The following CAMTA1 variants were observed in gnomAD, a reference collection of about 807,000 sequenced individuals.
The protein encoded by CAMTA1 is calmodulin binding transcription activator 1.
A neutral mutation model predicts 170.9 loss-of-function variants in CAMTA1; 27 were observed. The ratio of observed to expected loss-of-function variants is 0.16; its 90% CI spans 0.12 to 0.22. CAMTA1 has a LOEUF of 0.22. CAMTA1 is among the 10% of genes least tolerant of loss of function. The pLI, the probability that CAMTA1 is intolerant of heterozygous loss-of-function variation, is 1.00. For synonymous variants in CAMTA1, 833 were observed against 891.5 expected, an observed-to-expected ratio of 0.93 and a Z score of 1.17; for missense variants, 1,619 against 2,217.2, an observed-to-expected ratio of 0.73 and a Z score of 5.42.
rs957293093 is a variant in CAMTA1 at position 7,561,300 on chromosome 1, G to A, written c.511-79100G>A. Reference sequence around the variant, plus strand: ...TGCTCAGCTACCAAGGCTGAGGTTGGTGCTCCTGGAGGAGCCTCCAGGAGC... The same window carrying A: ...TGCTCAGCTACCAAGGCTGAGGTTGATGCTCCTGGAGGAGCCTCCAGGAGC... On this transcript the variant is annotated intron_variant, in intron 6 of 22. Coordinates refer to ENST00000303635, the MANE Select transcript of CAMTA1 (RefSeq NM_015215.4). The surrounding 1 kb of genome is among the most constrained non-coding windows in gnomAD (Gnocchi z 5.3). Among the ~76,000 whole-genome samples the A allele has an allele frequency of 6.6e-6, 1 of 151,632 alleles. No individual in the cohort carries two copies. The highest frequency in any genetic ancestry group is 1.5e-5 in the Non-Finnish European group (1 of 67,858).
At chr1:6,794,880 C>CTTTTTTT (rs1305335139) in intron 1 of CAMTA1, among the ~76,000 whole-genome samples, 13 of 141,888 alleles carry the variant, frequency 9.2e-5, no homozygotes, top group East Asian at 2.1e-4. Context: ...TAGATAAAGG[C>CTTTTTTT]TTTTTTTTTG....
chr1:7,686,784 G>C (rs947718854), intron 11 of CAMTA1, among the ~76,000 whole-genome samples: 15 of 152,144 alleles, frequency 9.9e-5, no homozygotes, highest in African/African-American at 3.6e-4. Context: ...TGACTCCTGA[G>C]GGACAGGGTG....
intron 4 of CAMTA1, among the ~76,000 whole-genome samples, chr1:7,136,065 A>G (rs11120861): frequency 0.36 from 54,979 of 151,920 alleles, 10,875 homozygotes; most frequent in African/African-American, 0.51. Flanking sequence ...AACTGGTCTT[A>G]TTTTAAATGT....
At chr1:7,608,804 G>C (rs2095503892) in intron 6 of CAMTA1, among the ~76,000 whole-genome samples, 1 of 152,168 alleles carries the variant, frequency 6.6e-6, no homozygotes, top group Middle Eastern at 3.2e-3. Flanking sequence ...GACAGAGCCA[G>C]AAGCGTGGGA....
intron 6 of CAMTA1, among the ~76,000 whole-genome samples, chr1:7,508,940 C>T (rs1473363499): frequency 1.3e-5 from 2 of 152,104 alleles, no homozygotes; most frequent in African/African-American, 2.4e-5. Flanking sequence ...CCTTCCCATA[C>T]AGGGCTGGAA....
intron 9 of CAMTA1, among the ~76,000 whole-genome samples, chr1:7,670,414 C>G (rs2096048901): frequency 1.3e-5 from 2 of 152,198 alleles, no homozygotes; most frequent in South Asian, 2.1e-4. Flanking sequence ...GATCCTGGGT[C>G]TCTCCTCAAC....
intron 4 of CAMTA1, among the ~76,000 whole-genome samples, chr1:7,188,866 A>AT (rs909157494): frequency 6.6e-6 from 1 of 152,156 alleles, no homozygotes; most frequent in African/African-American, 2.4e-5. Context: ...TCTGTGCTTA[A>AT]TTTTTTGTGG....
chr1:7,511,015 C>T (rs1364659793), intron 6 of CAMTA1, among the ~76,000 whole-genome samples: 1 of 144,992 alleles, frequency 6.9e-6, no homozygotes, highest in Admixed American at 6.9e-5. Context: ...TCTTTAAACT[C>T]TCCGTGTGTG....
chr1:7,314,468 C>T (rs2149641898), intron 5 of CAMTA1, among the ~76,000 whole-genome samples: 1 of 152,236 alleles, frequency 6.6e-6, no homozygotes, highest in East Asian at 1.9e-4. Context: ...CATGTAGATT[C>T]ATGCCCTGTG....
intron 3 of CAMTA1, among the ~76,000 whole-genome samples, chr1:6,895,662 T>G (rs1359956349): frequency 1.3e-5 from 2 of 152,216 alleles, no homozygotes; most frequent in African/African-American, 4.8e-5. Context: ...CCATCAAACA[T>G]GATTCTTTTT....
chr1:7,259,261 A>G (rs1667839955), intron 5 of CAMTA1, among the ~76,000 whole-genome samples: 1 of 152,218 alleles, frequency 6.6e-6, no homozygotes, highest in Non-Finnish European at 1.5e-5. Context: ...TCTCCTGGAC[A>G]GATGAAATAA....
At chr1:7,392,522 T>G (rs983020708) in intron 5 of CAMTA1, among the ~76,000 whole-genome samples, 3 of 148,524 alleles carry the variant, frequency 2.0e-5, no homozygotes, top group Non-Finnish European at 4.5e-5. Flanking sequence ...CCCAAAGTGC[T>G]GGGATTACAG....
rs180937200 is a variant in CAMTA1 at position 7,209,383 on chromosome 1, T to C, written c.303-40108T>C. ...CTCAAATGCAAATTGTATTTGGTAT[T>C]AGAGATAACTGTTGATCTATTAACA... On this transcript the variant is annotated intron_variant, in intron 4 of 22. Transcript: ENST00000303635. Among the ~76,000 whole-genome samples, 128 of 152,332 alleles carry C rather than the reference T, an allele frequency of 8.4e-4. 3 individuals are homozygous for C. The South Asian group carries it at 0.015, about 18-fold the overall frequency.
intron 15 of CAMTA1, 121 bp from the exon 16 acceptor site, chr1:7,737,838 G>T: frequency 1.0e-6 from 1 of 981,818 alleles, no homozygotes. Context: ...TTAAATGTTA[G>T]GGACGTGTCT....
chr1:7,689,923 C>A (rs1404903265), intron 11 of CAMTA1, among the ~76,000 whole-genome samples: 1 of 152,118 alleles, frequency 6.6e-6, no homozygotes, highest in Non-Finnish European at 1.5e-5. Context: ...TTTGGGAGGC[C>A]GAGTTGGGCG....
At chr1:7,563,346 C>T (rs535111314) in intron 6 of CAMTA1, among the ~76,000 whole-genome samples, 7 of 152,284 alleles carry the variant, frequency 4.6e-5, no homozygotes, top group South Asian at 2.1e-4. Flanking sequence ...TGGAACCAGC[C>T]GCACCTCAAG....
In CAMTA1 at chr1:7,635,540, C is replaced by T. The variant is rs984814731; in HGVS notation, c.511-4860C>T. ...AGGAGAATGGCGTGAACCCGGGAGG[C>T]GGAGGTTGCAGTGAGCCGAGATCGC... On this transcript the variant is annotated intron_variant, in intron 6 of 22. Coordinates refer to ENST00000303635, the MANE Select transcript of CAMTA1 (RefSeq NM_015215.4). This position sits in a 1 kb window ranked among gnomAD's most constrained non-coding sequence, Gnocchi z 4.4. Among the ~76,000 whole-genome samples, 5 of 148,156 alleles carry T rather than the reference C, an allele frequency of 3.4e-5. No homozygotes were observed. The highest frequency in any genetic ancestry group is 4.0e-4 in the East Asian group (2 of 4,942).
At chr1:6,797,044 A>G (rs1557565280) in intron 1 of CAMTA1, among the ~76,000 whole-genome samples, 1 of 152,196 alleles carries the variant, frequency 6.6e-6, no homozygotes, top group South Asian at 2.1e-4. Flanking sequence ...AGCTGCAACC[A>G]CTTTGATTGA....
chr1:7,116,209 C>T (rs1015294374), intron 4 of CAMTA1, among the ~76,000 whole-genome samples: 2 of 152,166 alleles, frequency 1.3e-5, no homozygotes, highest in Non-Finnish European at 2.9e-5. Context: ...TCCAGTTCTT[C>T]ACCACTGACT....
Sources: allele counts gnomAD v4.1 joint callset (sites outside exome capture counted in the v4.1 genomes callset), GRCh38; gene constraint gnomAD v4.1.1; non-coding constraint Gnocchi (gnomAD v3.1); transcripts MANE v1.5; gene names NCBI Gene and HGNC (gene_info 2026-07-23, HGNC 2026-07-21).